Variants in ST8SIA1 observed in about 807,000 individuals in gnomAD.
The protein encoded by ST8SIA1 is alpha-N-acetylneuraminide alpha-2,8-sialyltransferase.
A neutral mutation model predicts 35.9 loss-of-function variants in ST8SIA1; 16 were observed. That is an observed-to-expected ratio of 0.45 (90% CI 0.30 to 0.68). The LOEUF (loss-of-function observed/expected upper bound fraction) is 0.68. Among genes scored for constraint, ST8SIA1 ranks in the 30% least tolerant of loss-of-function variants. The pLI is 0.09. For synonymous variants in ST8SIA1, 170 were observed against 169.6 expected, an observed-to-expected ratio of 1.00 and a Z score of -0.02; for missense variants, 383 against 453.6, an observed-to-expected ratio of 0.84 and a Z score of 1.41.
At chr12:22,243,851 G>A (rs1423550818) in intron 4 of ST8SIA1, among the ~76,000 whole-genome samples, 1 of 152,082 alleles carries the variant, frequency 6.6e-6, no homozygotes, top group Admixed American at 6.5e-5. Context: ...TGCCAACATG[G>A]TGAAACCCCG....
chr12:22,306,791 C>A (rs1381478745), intron 1 of ST8SIA1, among the ~76,000 whole-genome samples: 3 of 152,030 alleles, frequency 2.0e-5, no homozygotes, highest in African/African-American at 7.2e-5. Context: ...ATAACTTCTG[C>A]CCTCTCTTTT....
intron 1 of ST8SIA1, among the ~76,000 whole-genome samples, chr12:22,308,710 A>C (rs561735369): frequency 6.7e-6 from 1 of 149,968 alleles, no homozygotes; most frequent in Non-Finnish European, 1.5e-5. Context: ...TGAATGATCA[A>C]ATCAAATCAA....
intron 1 of ST8SIA1, among the ~76,000 whole-genome samples, chr12:22,298,739 A>T (rs1490193658): frequency 6.6e-6 from 1 of 152,202 alleles, no homozygotes. Flanking sequence ...TCAGGCAGGC[A>T]CTGCCACCTC....
intron 4 of ST8SIA1, among the ~76,000 whole-genome samples, chr12:22,216,987 G>A (rs549443157): frequency 2.6e-5 from 4 of 152,184 alleles, no homozygotes; most frequent in African/African-American, 7.2e-5. Context: ...GCCAGAAAAC[G>A]GGTAATTAGG....
chr12:22,323,716 G>T lies in ST8SIA1; in HGVS notation c.236+10281C>A, dbSNP rs982822664. On this transcript the variant is annotated intron_variant, in intron 1 of 4. Coordinates refer to ENST00000396037, the MANE Select transcript of ST8SIA1 (RefSeq NM_003034.4). ...TGGTGTCCTTTGCAGGGACATGGATGGAGTCGGAAACCATTATTCTCAGCA... is the reference window on the plus strand; with the variant it reads ...TGGTGTCCTTTGCAGGGACATGGATTGAGTCGGAAACCATTATTCTCAGCA... Among the ~76,000 whole-genome samples, 3 of 152,306 alleles carry T rather than the reference G, an allele frequency of 2.0e-5. No individual in the cohort carries two copies. In the South Asian group the frequency reaches 6.2e-4, roughly 32 times the overall value.
At chr12:22,235,653 T>TC (rs1865468945) in intron 4 of ST8SIA1, among the ~76,000 whole-genome samples, 1 of 152,208 alleles carries the variant, frequency 6.6e-6, no homozygotes. Context: ...AAGTTTGCCT[T>TC]CCACAGTTAA....
rs1865050238 is a variant in ST8SIA1, at chr12:22,201,745, T to C, written c.878A>G (p.Tyr293Cys). Residue 293 changes from tyrosine to cysteine, a missense_variant, in exon 5 of 5, where the codon TAT becomes TGT. Transcript: ENST00000396037. ...ATTCACAGAGAAGGGCCAGAAGCCA[T>C]AGATGGCCACCTCTTCACAGAGACC... ...ALGLCEEVAIYGFWPFSVNMH... is the reference protein window; with the variant it reads ...ALGLCEEVAICGFWPFSVNMH... The C allele has an allele frequency of 2.5e-6, 4 of 1,613,970 alleles. No individual in the cohort carries two copies. Among genetic ancestry groups the C allele is most frequent in the South Asian group, 2.2e-5 (2 of 91,084 alleles).
At chr12:22,288,404 T>A (rs1263758420) in intron 1 of ST8SIA1, among the ~76,000 whole-genome samples, 1 of 152,056 alleles carries the variant, frequency 6.6e-6, no homozygotes, top group Non-Finnish European at 1.5e-5. Context: ...TCGTTGAGAG[T>A]TCACTGAGAA....
chr12:22,244,834 G>T (rs1865581379), intron 4 of ST8SIA1, among the ~76,000 whole-genome samples: 1 of 152,116 alleles, frequency 6.6e-6, no homozygotes, highest in South Asian at 2.1e-4. Flanking sequence ...TTTTTCCCAT[G>T]TGTAATCTAA....
chr12:22,196,335 G>A lies in ST8SIA1; in HGVS notation c.*5217C>T, dbSNP rs1165083973. 6.6e-6 allele frequency: 1 copy of A among 152,186 alleles called. No individual in the cohort carries two copies. Among genetic ancestry groups the A allele is most frequent in the Non-Finnish European group, 1.5e-5 (1 of 68,048 alleles). The allele number at this position is 152,186 out of a possible 1,614,324, so 9.4% of individuals were successfully genotyped here. On this transcript the variant is annotated 3_prime_UTR_variant, in exon 5 of 5. Transcript: ENST00000396037. ...TACTGAAATGGTGAGCAGGGGCTGT[G>A]TTATGTTTCAATAAGCTTTTCATTC...
chr12:22,247,517 T>C (rs988322665), intron 4 of ST8SIA1, among the ~76,000 whole-genome samples: 3 of 152,140 alleles, frequency 2.0e-5, no homozygotes, highest in African/African-American at 7.2e-5. Context: ...TGAGTTATTA[T>C]AATGAACATA....
At chr12:22,236,297 C>G (rs1865475329) in intron 4 of ST8SIA1, among the ~76,000 whole-genome samples, 1 of 152,188 alleles carries the variant, frequency 6.6e-6, no homozygotes, top group South Asian at 2.1e-4. Context: ...CATATACAGA[C>G]AGCACACCTT....
chr12:22,284,977 G>A (rs993554771), intron 2 of ST8SIA1, among the ~76,000 whole-genome samples: 2 of 152,128 alleles, frequency 1.3e-5, no homozygotes, highest in African/African-American at 4.8e-5. Context: ...TCTATGTGAG[G>A]AGCTGTTAAA....
In ST8SIA1 at chr12:22,198,930, A is replaced by C. The variant is rs1034678811; in HGVS notation, c.*2622T>G. On this transcript the variant is annotated 3_prime_UTR_variant, in exon 5 of 5. Coordinates refer to ENST00000396037, the MANE Select transcript of ST8SIA1 (RefSeq NM_003034.4). The stretch of plus-strand genomic sequence containing the variant: ...TAAAAAATGTCTCTGGTCTCCAGAC[A>C]TTGCCAAATGTCACCAGAGAGGGAT... 2.6e-5 allele frequency: 4 copies of C among 152,172 alleles called. No individual in the cohort carries two copies. The highest frequency in any genetic ancestry group is 9.6e-5 in the African/African-American group (4 of 41,452). The allele number at this position is 152,172 out of a possible 1,614,324, so 9.4% of individuals were successfully genotyped here.
chr12:22,274,489 C>A (rs1464688645), intron 2 of ST8SIA1, among the ~76,000 whole-genome samples: 1 of 152,166 alleles, frequency 6.6e-6, no homozygotes, highest in African/African-American at 2.4e-5. Context: ...TGTCCATCAG[C>A]TCCATCCAAT....
chr12:22,199,308 A>G lies in ST8SIA1; in HGVS notation c.*2244T>C, dbSNP rs1565564440. On this transcript the variant is annotated 3_prime_UTR_variant, in exon 5 of 5. Transcript: ENST00000396037. ...AATGGAACTGTGATGTATGGGCTCTATGGAGCTCATTAATTACATTTTAAC... is the reference window on the plus strand; with the variant it reads ...AATGGAACTGTGATGTATGGGCTCTGTGGAGCTCATTAATTACATTTTAAC... 1 of 152,006 alleles carries G rather than the reference A, an allele frequency of 6.6e-6. No homozygotes were observed. Among genetic ancestry groups the G allele is most frequent in the Non-Finnish European group, 1.5e-5 (1 of 68,012 alleles). 9.4% of individuals were successfully genotyped at this position (152,006 alleles called of 1,614,324 possible).
At chr12:22,234,898 T>C (rs1865459321) in intron 4 of ST8SIA1, among the ~76,000 whole-genome samples, 1 of 152,242 alleles carries the variant, frequency 6.6e-6, no homozygotes, top group African/African-American at 2.4e-5. Flanking sequence ...GCACTTCCTT[T>C]TTCTGCCTTT....
In ST8SIA1 at chr12:22,282,319, G is replaced by C. The variant is rs142836006; in HGVS notation, c.381+4830C>G. On this transcript the variant is annotated intron_variant, in intron 2 of 4. Coordinates refer to ENST00000396037, the MANE Select transcript of ST8SIA1 (RefSeq NM_003034.4). Reference sequence around the variant, plus strand: ...TGGAGGCAATAATAACAGCCACACAGAGTCGCTGTAAGGGCTGAGCGAGAT... The same window carrying C: ...TGGAGGCAATAATAACAGCCACACACAGTCGCTGTAAGGGCTGAGCGAGAT... 3.1e-3 allele frequency among the ~76,000 whole-genome samples: 468 copies of C among 152,298 alleles called. 1 individual carries two copies. The highest frequency in any genetic ancestry group is 0.01 in the African/African-American group (434 of 41,556).
chr12:22,309,840 T>A (rs1022474488), intron 1 of ST8SIA1, among the ~76,000 whole-genome samples: 12 of 152,212 alleles, frequency 7.9e-5, no homozygotes, highest in African/African-American at 2.7e-4. Context: ...ATTTAAAAAA[T>A]ATATTTCGTT....
Sources: gnomAD v4.1 joint callset for allele counts (sites outside exome capture counted in the v4.1 genomes callset) on GRCh38, gnomAD v4.1.1 for gene constraint, MANE v1.5 for transcripts, NCBI Gene and HGNC (gene_info 2026-07-23, HGNC 2026-07-21) for gene names.